Variants in CLASP1 observed in about 807,000 individuals in gnomAD.
CLASP1 encodes cytoplasmic linker associated protein 1, also known as CLIP-associating protein 1.
A neutral mutation model predicts 192.3 loss-of-function variants in CLASP1; 38 were observed. That is an observed-to-expected ratio of 0.20 (90% CI 0.15 to 0.26). The LOEUF is 0.26. CLASP1 is among the 10% of genes least tolerant of loss of function. The pLI, the probability that CLASP1 is intolerant of heterozygous loss-of-function variation, is 1.00. For missense variants in CLASP1, 1,433 were observed against 1,932.5 expected (o/e 0.74, Z 4.85); for synonymous variants, 691 against 712.8 (o/e 0.97, Z 0.49).
At chr2:121,606,270 A>G in intron 1 of CLASP1, 90 bp from the exon 2 acceptor site, 4 of 345,050 alleles carry the variant, frequency 1.2e-5, no homozygotes, top group Non-Finnish European at 2.1e-5. Flanking sequence ...AAAGCAATTC[A>G]TGCTGCAGAA....
chr2:121,423,035 A>G (rs2079778523), intron 22 of CLASP1, among the ~76,000 whole-genome samples: 1 of 152,168 alleles, frequency 6.6e-6, no homozygotes, highest in Admixed American at 6.5e-5. Context: ...TATATAATCT[A>G]TTACTGAATA....
chr2:121,495,553 T>C (rs531772260), intron 8 of CLASP1, among the ~76,000 whole-genome samples: 5 of 151,348 alleles, frequency 3.3e-5, no homozygotes, highest in African/African-American at 1.2e-4. Context: ...CCCAGCTACT[T>C]GGGAGGCTGA....
intron 2 of CLASP1, among the ~76,000 whole-genome samples, chr2:121,576,189 A>T (rs187143653): frequency 0.022 from 3,289 of 152,212 alleles, 111 homozygotes; most frequent in African/African-American, 0.076. Context: ...TTACAGGTAA[A>T]ATTTTTTTTT....
chr2:121,375,811 G>GA (rs1248405077), intron 34 of CLASP1, among the ~76,000 whole-genome samples: 1 of 152,124 alleles, frequency 6.6e-6, no homozygotes, highest in African/African-American at 2.4e-5. Flanking sequence ...CATGAGACTG[G>GA]AGCTCTCAGA....
intron 37 of CLASP1, among the ~76,000 whole-genome samples, chr2:121,359,990 C>T (rs1197737833): frequency 6.6e-6 from 1 of 152,226 alleles, no homozygotes; most frequent in African/African-American, 2.4e-5. Context: ...GCCATCTTAT[C>T]GTCAGTCCTA....
In CLASP1 at chr2:121,448,945, T is replaced by A. The variant is rs764224539; in HGVS notation, c.1691+8A>T. On this transcript the variant is annotated splice_region_variant and intron_variant, in intron 17 of 39. Transcript: ENST00000263710. The stretch of plus-strand genomic sequence containing the variant: ...CACATGAATGATAAGCAAAGATGAA[T>A]CTCTTACTTTAGACTCTCTTGAGAG... The A allele has an allele frequency of 3.3e-5, 53 of 1,608,378 alleles. No homozygotes were observed. The East Asian group carries it at 1.1e-3, about 35-fold the overall frequency.
chr2:121,594,910 T>A (rs889907151), intron 2 of CLASP1, among the ~76,000 whole-genome samples: 4 of 148,264 alleles, frequency 2.7e-5, no homozygotes, highest in African/African-American at 7.8e-5. Context: ...AAAATTTTTT[T>A]AACTGTTTTC....
chr2:121,465,253 T>C (rs1208945404), intron 9 of CLASP1, among the ~76,000 whole-genome samples: 3 of 152,208 alleles, frequency 2.0e-5, no homozygotes, highest in Admixed American at 2.0e-4. Flanking sequence ...GATGACATGA[T>C]TGTATATCTA....
chr2:121,529,023 G>A (rs1186206981), intron 3 of CLASP1, among the ~76,000 whole-genome samples: 2 of 152,078 alleles, frequency 1.3e-5, no homozygotes, highest in Non-Finnish European at 2.9e-5. Flanking sequence ...CTTACCCCAC[G>A]TTCCTCCAGC....
Position 121,545,912 on chromosome 2 carries a change from T to TA in CLASP1, c.196-15588dup, listed in dbSNP as rs34508121. Among the ~76,000 whole-genome samples the TA allele has an allele frequency of 8.1e-3, 1,188 of 146,858 alleles. 12 individuals carry two copies. The highest frequency in any genetic ancestry group is 0.024 in the South Asian group (111 of 4,658). Reference sequence around the variant, plus strand: ...ATTCTATTATAGTTTGCTCATTACTTAAAAAAAAAAAACTTTCTTTAATTG... The same window carrying TA: ...ATTCTATTATAGTTTGCTCATTACTTAAAAAAAAAAAAACTTTCTTTAATTG... On this transcript the variant is annotated intron_variant, in intron 2 of 39. Coordinates refer to ENST00000263710, the Ensembl canonical transcript of CLASP1.
intron 2 of CLASP1, among the ~76,000 whole-genome samples, chr2:121,554,801 G>A (rs58887415): frequency 0.038 from 5,852 of 152,140 alleles, 159 homozygotes; most frequent in East Asian, 0.14. Context: ...ATGTGAAGAT[G>A]GTTGCACAAC....
intron 8 of CLASP1, among the ~76,000 whole-genome samples, chr2:121,475,486 C>T (rs1337890039): frequency 1.3e-5 from 2 of 152,172 alleles, no homozygotes; most frequent in East Asian, 1.9e-4. Flanking sequence ...TGCAACTGGA[C>T]CATGGTTACA....
chr2:121,418,201 T>C (rs1048080369), intron 23 of CLASP1, among the ~76,000 whole-genome samples: 10 of 152,252 alleles, frequency 6.6e-5, no homozygotes, highest in Non-Finnish European at 1.2e-4. Context: ...TGTACTTTTG[T>C]TCCTTCTTTG....
intron 15 of CLASP1, 60 bp from the exon 16 acceptor site, chr2:121,451,050 A>T: frequency 8.7e-7 from 1 of 1,147,332 alleles, no homozygotes; most frequent in Non-Finnish European, 1.3e-6. Flanking sequence ...TGCAAGTGAA[A>T]CCAGGTGGGA....
At chr2:121,417,514 A>T (rs2078800914) in intron 23 of CLASP1, among the ~76,000 whole-genome samples, 2 of 152,116 alleles carry the variant, frequency 1.3e-5, no homozygotes, top group Non-Finnish European at 2.9e-5. Flanking sequence ...AATGCTTCAG[A>T]CTGCTGTGGA....
chr2:121,593,050 A>G (rs1011874726), intron 2 of CLASP1, among the ~76,000 whole-genome samples: 2 of 152,218 alleles, frequency 1.3e-5, no homozygotes, highest in Non-Finnish European at 2.9e-5. Context: ...TCCCCACAAG[A>G]TATCTATTAA....
chr2:121,478,533 G>A (rs2091925329), intron 8 of CLASP1, among the ~76,000 whole-genome samples: 1 of 150,960 alleles, frequency 6.6e-6, no homozygotes, highest in Non-Finnish European at 1.5e-5. Flanking sequence ...GCCAGGAGGG[G>A]GAGGTTGCAG....
intron 3 of CLASP1, 70 bp downstream of exon 3, chr2:121,530,177 A>T: frequency 7.5e-7 from 1 of 1,333,126 alleles, no homozygotes; most frequent in East Asian, 2.8e-5. Flanking sequence ...AGGGTTTGGG[A>T]GCCGGGGAGG....
chr2:121,569,304 C>T (rs1365532798), intron 2 of CLASP1, among the ~76,000 whole-genome samples: 3 of 152,122 alleles, frequency 2.0e-5, no homozygotes, highest in African/African-American at 7.2e-5. Context: ...TAGCTCATAA[C>T]ACAGAGATCG....
Sources: allele counts gnomAD v4.1 joint callset (sites outside exome capture counted in the v4.1 genomes callset), GRCh38; gene constraint gnomAD v4.1.1; transcripts MANE v1.5; gene names NCBI Gene and HGNC (gene_info 2026-07-23, HGNC 2026-07-21).